The following BCKDHB variants were observed in gnomAD, a reference collection of about 807,000 sequenced individuals.
The protein encoded by BCKDHB is 2-oxoisovalerate dehydrogenase subunit beta, mitochondrial.
Under a neutral mutation model 48.5 loss-of-function variants are expected in BCKDHB, and 41 were observed. The observed-to-expected ratio is 0.85, with a 90% confidence interval of 0.66 to 1.10. The LOEUF (loss-of-function observed/expected upper bound fraction) is 1.10, where lower values mean the gene tolerates loss of function less well. Among genes scored for constraint, BCKDHB ranks in the 50% least tolerant of loss-of-function variants. The pLI is 0.00. For missense variants in BCKDHB, 496 were observed against 494.2 expected, an observed-to-expected ratio of 1.00 and a Z score of -0.03; for synonymous variants, 201 against 174.8, an observed-to-expected ratio of 1.15 and a Z score of -1.18.
intron 9 of BCKDHB, chr6:80,307,941 T>C (rs955816219): frequency 6.2e-6 from 6 of 965,958 alleles, no homozygotes; most frequent in East Asian, 1.1e-4. Flanking sequence ...TACATTTTAT[T>C]CAATTTAATC....
At chr6:80,288,973 G>A (rs531116095) in intron 9 of BCKDHB, among the ~76,000 whole-genome samples, 21 of 152,042 alleles carry the variant, frequency 1.4e-4, no homozygotes, top group African/African-American at 3.9e-4. Context: ...TTGTTTAAGG[G>A]GACAGAGCAT....
the BCKDHB span, among the ~76,000 whole-genome samples, chr6:80,417,940 C>T: frequency 6.6e-6 from 1 of 152,072 alleles, no homozygotes; most frequent in Admixed American, 6.6e-5. Context: ...CATGTTGGTT[C>T]CATTCTCCCC....
At chr6:80,125,981 G>A (rs1427690842) in intron 1 of BCKDHB, among the ~76,000 whole-genome samples, 2 of 152,174 alleles carry the variant, frequency 1.3e-5, no homozygotes, top group African/African-American at 4.8e-5. Context: ...ATAAAGTGAA[G>A]CACAGTAAGA....
the BCKDHB span, among the ~76,000 whole-genome samples, chr6:80,420,535 A>G: frequency 1.3e-5 from 2 of 152,206 alleles, no homozygotes; most frequent in Admixed American, 6.5e-5. Flanking sequence ...CATGCCAGCT[A>G]CTAAGATCTG....
intron 8 of BCKDHB, among the ~76,000 whole-genome samples, chr6:80,238,670 A>G (rs1285257952): frequency 6.6e-6 from 1 of 152,086 alleles, no homozygotes; most frequent in Non-Finnish European, 1.5e-5. Flanking sequence ...TTACATATGT[A>G]TACATGTACC....
rs115191051 is a variant in BCKDHB, at chr6:80,172,355, C to T, written c.742+965C>T. On this transcript the variant is annotated intron_variant, in intron 6 of 9. Transcript: ENST00000320393. The stretch of plus-strand genomic sequence containing the variant: ...GAATATTCACTGTTCATTTCTATTA[C>T]AATAATATCTTACAACTGTACAATA... Among the ~76,000 whole-genome samples the T allele has an allele frequency of 2.7e-3, 413 of 152,026 alleles. 2 individuals are homozygous for T. The highest frequency in any genetic ancestry group is 9.2e-3 in the African/African-American group (382 of 41,484).
intron 6 of BCKDHB, among the ~76,000 whole-genome samples, chr6:80,189,856 T>C (rs1186755745): frequency 6.6e-6 from 1 of 152,170 alleles, no homozygotes; most frequent in East Asian, 1.9e-4. Flanking sequence ...CATCTCTCAG[T>C]GTTGAACTTG....
chr6:80,400,444 C>T, the BCKDHB span, among the ~76,000 whole-genome samples: 233 of 151,968 alleles, frequency 1.5e-3, 1 homozygote, highest in African/African-American at 5.2e-3. Context: ...ATAAGACATA[C>T]ATACCACCAA....
intron 6 of BCKDHB, among the ~76,000 whole-genome samples, chr6:80,178,451 T>C (rs1030222528): frequency 6.6e-6 from 1 of 152,226 alleles, no homozygotes; most frequent in Non-Finnish European, 1.5e-5. Context: ...GCAGCTGTCA[T>C]GATTTAACAC....
the BCKDHB span, among the ~76,000 whole-genome samples, chr6:80,420,550 T>C: frequency 6.6e-6 from 1 of 152,186 alleles, no homozygotes; most frequent in East Asian, 1.9e-4. Context: ...GATCTGTACA[T>C]GCTGTTGAGA....
intron 8 of BCKDHB, among the ~76,000 whole-genome samples, chr6:80,245,408 A>G (rs1032667279): frequency 6.6e-6 from 1 of 152,174 alleles, no homozygotes; most frequent in Middle Eastern, 3.2e-3. Context: ...TCAGGAAACA[A>G]AAAGTAGACA....
At chr6:80,284,108 T>C (rs1286250557) in intron 9 of BCKDHB, among the ~76,000 whole-genome samples, 1 of 152,064 alleles carries the variant, frequency 6.6e-6, no homozygotes, top group Non-Finnish European at 1.5e-5. Flanking sequence ...GTTTGGTAAT[T>C]TAGGGTAATT....
At position 80,136,530 on chromosome 6, in the gene BCKDHB, C is replaced by G. The variant is rs72908824; in HGVS notation, c.343+7301C>G. 2.7e-3 allele frequency among the ~76,000 whole-genome samples: 403 copies of G among 152,038 alleles called. 1 individual carries two copies. The highest frequency in any genetic ancestry group is 4.6e-3 in the Non-Finnish European group (316 of 67,972). ...AGAAGAAAATGTAGGGGAAAAGCTT[C>G]GTGAAATTGGATTTGATAATGACTT... On this transcript the variant is annotated intron_variant, in intron 3 of 9. Coordinates refer to ENST00000320393, the MANE Select transcript of BCKDHB (RefSeq NM_183050.4).
chr6:80,381,558 C>G, the BCKDHB span, among the ~76,000 whole-genome samples: 1 of 152,036 alleles, frequency 6.6e-6, no homozygotes, highest in Non-Finnish European at 1.5e-5. Context: ...GGTTTTCTAA[C>G]AAAAATGTTT....
chr6:80,413,975 T>A, the BCKDHB span, among the ~76,000 whole-genome samples: 2 of 152,212 alleles, frequency 1.3e-5, no homozygotes, highest in Non-Finnish European at 2.9e-5. Context: ...ACTTTTTGAT[T>A]TTTTAATAAC....
chr6:80,411,801 G>A, the BCKDHB span, among the ~76,000 whole-genome samples: 6,148 of 152,290 alleles, frequency 0.04, 397 homozygotes, highest in African/African-American at 0.14. Context: ...CTGGTTTGCC[G>A]GTTGCTAAGA....
the BCKDHB span, among the ~76,000 whole-genome samples, chr6:80,411,619 C>A: frequency 1.3e-5 from 2 of 152,370 alleles, no homozygotes; most frequent in Admixed American, 1.3e-4. Flanking sequence ...TTGGGCTCTG[C>A]CCAGTTCCAT....
At chr6:80,296,454 CAT>C (rs1038531114) in intron 9 of BCKDHB, among the ~76,000 whole-genome samples, 1 of 152,122 alleles carries the variant, frequency 6.6e-6, no homozygotes, top group African/African-American at 2.4e-5. Context: ...ACATATGAAA[CAT>C]ATTTATACAA....
intron 1 of BCKDHB, among the ~76,000 whole-genome samples, chr6:80,114,692 T>A (rs1201551438): frequency 6.6e-6 from 1 of 152,176 alleles, no homozygotes; most frequent in South Asian, 2.1e-4. Context: ...TTTGCTAAGA[T>A]GGAAAAGATT....
Sources: allele counts gnomAD v4.1 joint callset (sites outside exome capture counted in the v4.1 genomes callset), GRCh38; gene constraint gnomAD v4.1.1; transcripts MANE v1.5; gene names NCBI Gene and HGNC (gene_info 2026-07-23, HGNC 2026-07-21).